Variants in SGPL1 observed in about 807,000 individuals in gnomAD.
SGPL1 encodes the protein sphingosine-1-phosphate lyase 1, also known as SP-lyase 1.
In SGPL1, 37 loss-of-function variants were observed where a neutral mutation model predicts 68.9. That is an observed-to-expected ratio of 0.54 (90% CI 0.41 to 0.71). The LOEUF (loss-of-function observed/expected upper bound fraction) is 0.71. Ranked by LOEUF, SGPL1 falls within the 30% of genes least tolerant of loss-of-function variation. SGPL1 has a pLI of 0.00. For missense variants in SGPL1, 551 were observed against 704.6 expected (o/e 0.78, Z 2.47); for synonymous variants, 236 against 248.5 (o/e 0.95, Z 0.47).
chr10:70,838,882 G>A (rs981408026), intron 2 of SGPL1, among the ~76,000 whole-genome samples: 8 of 152,150 alleles, frequency 5.3e-5, no homozygotes, highest in Non-Finnish European at 1.0e-4. Flanking sequence ...CTTTGGGACT[G>A]TATTTTACAA....
Position 70,859,467 on chromosome 10 carries a change from C to T in SGPL1, c.583C>T (p.Leu195=). ...AGAAATCGTGAGGATAGCTTGTTCC[C>T]TGTTCAATGGGGGACCAGATTCGTG... is the stretch of plus-strand genomic sequence containing the variant. ...EAEIVRIACS[L]FNGGPDSCGC... The change falls in exon 7 of 15, where the codon CTG becomes TTG. Residue 195 remains leucine, a synonymous_variant. Transcript: ENST00000373202. The T allele has an allele frequency of 6.4e-7, 1 of 1,553,376 alleles. No homozygotes were observed. Among genetic ancestry groups the T allele is most frequent in the Middle Eastern group, 1.7e-4 (1 of 5,918 alleles).
intron 2 of SGPL1, among the ~76,000 whole-genome samples, chr10:70,819,720 T>C (rs950646409): frequency 2.0e-5 from 3 of 149,908 alleles, no homozygotes; most frequent in African/African-American, 7.4e-5. Context: ...ATCCTCAATC[T>C]CTGAGGCTCA....
At chr10:70,848,443 T>G (rs1406918035) in intron 3 of SGPL1, among the ~76,000 whole-genome samples, 2 of 148,512 alleles carry the variant, frequency 1.3e-5, no homozygotes, top group Non-Finnish European at 3.0e-5. Flanking sequence ...CTAACGTGAT[T>G]ACCTCACGTA....
intron 7 of SGPL1, chr10:70,866,271 C>T (rs910908113): frequency 4.0e-5 from 6 of 151,896 alleles, no homozygotes; most frequent in Admixed American, 1.3e-4. Context: ...CCTGTAGTCC[C>T]AGCTACTTTG....
intron 2 of SGPL1, among the ~76,000 whole-genome samples, chr10:70,823,271 A>C (rs1049470479): frequency 6.6e-6 from 1 of 151,174 alleles, no homozygotes; most frequent in Non-Finnish European, 1.5e-5. Flanking sequence ...ATTTATCTTC[A>C]GAATAATCAC....
At chr10:70,872,132 A>G (rs1441475368) in intron 11 of SGPL1, 146 bp downstream of exon 11, 2 of 814,444 alleles carry the variant, frequency 2.5e-6, no homozygotes, top group Non-Finnish European at 3.8e-6. Context: ...TGCCGTCACC[A>G]GATCAGCTGG....
At chr10:70,865,102 G>T (rs1009311581) in intron 7 of SGPL1, among the ~76,000 whole-genome samples, 1 of 152,198 alleles carries the variant, frequency 6.6e-6, no homozygotes, top group Non-Finnish European at 1.5e-5. Context: ...CTGCAGATTT[G>T]GGGGTATAAA....
At chr10:70,831,307 T>C (rs1221562666) in intron 2 of SGPL1, among the ~76,000 whole-genome samples, 3 of 152,148 alleles carry the variant, frequency 2.0e-5, no homozygotes, top group Non-Finnish European at 4.4e-5. Context: ...CAGACATCAC[T>C]GGGTGTCGCC....
In SGPL1 at chr10:70,871,989, G is replaced by A; in HGVS notation, c.1059+3G>A. On this transcript the variant is annotated splice_donor_region_variant and intron_variant, in intron 11 of 14. Coordinates refer to ENST00000373202, the MANE Select transcript of SGPL1 (RefSeq NM_003901.4). ...GCATTTCAGCTGACACCCATAAGGT[G>A]AGCTAAGGAGGAGATCAAGTGTTAC... 6.2e-7 allele frequency: 1 copy of A among 1,612,830 alleles called. No homozygotes were observed. Among genetic ancestry groups the A allele is most frequent in the Non-Finnish European group, 8.5e-7 (1 of 1,179,582 alleles).
At chr10:70,830,931 A>G (rs541944831) in intron 2 of SGPL1, among the ~76,000 whole-genome samples, 38 of 152,208 alleles carry the variant, frequency 2.5e-4, no homozygotes, top group Non-Finnish European at 5.4e-4. Context: ...AACTGGTTCA[A>G]AGGAGAGGTC....
intron 2 of SGPL1, among the ~76,000 whole-genome samples, chr10:70,835,161 T>C (rs1223322164): frequency 6.6e-6 from 1 of 152,226 alleles, no homozygotes; most frequent in Non-Finnish European, 1.5e-5. Context: ...ATAATTACTT[T>C]ATTTGAATAA....
At chr10:70,829,031 G>T (rs891989535) in intron 2 of SGPL1, among the ~76,000 whole-genome samples, 3 of 152,182 alleles carry the variant, frequency 2.0e-5, no homozygotes, top group Non-Finnish European at 4.4e-5. Context: ...CTGTCTGGCT[G>T]TGTTGGGCCA....
In SGPL1 at chr10:70,875,322, A is replaced by G. The variant is rs139099076; in HGVS notation, c.1299-80A>G. ...GCATTCATTATAAGGAAGACTTTGA[A>G]TGATTAAAGAGATAGTGACCAGGGG... On this transcript the variant is annotated intron_variant, in intron 12 of 14. Coordinates refer to ENST00000373202, the MANE Select transcript of SGPL1 (RefSeq NM_003901.4). 5.2e-5 allele frequency: 47 copies of G among 903,816 alleles called. No homozygotes were observed. In the East Asian group the frequency reaches 1.0e-3, roughly 19 times the overall value. 56.0% of individuals were successfully genotyped at this position (903,816 alleles called of 1,614,324 possible).
rs1201633865 is a variant in SGPL1 at position 70,868,284 on chromosome 10, G to A, written c.616-61G>A. ...CTGTATCAAACATTGTCAAGATCAG[G>A]GCATGAAGAGCCGGGGCATTCCTGA... On this transcript the variant is annotated intron_variant, in intron 7 of 14. Coordinates refer to ENST00000373202, the MANE Select transcript of SGPL1 (RefSeq NM_003901.4). 35 of 1,145,948 alleles carry A rather than the reference G, an allele frequency of 3.1e-5. No individual in the cohort carries two copies. The South Asian group carries it at 4.7e-4, about 15-fold the overall frequency. 71.0% of individuals were successfully genotyped at this position (1,145,948 alleles called of 1,614,324 possible).
At chr10:70,850,561 C>T (rs1465798491) in intron 3 of SGPL1, among the ~76,000 whole-genome samples, 1 of 152,120 alleles carries the variant, frequency 6.6e-6, no homozygotes, top group East Asian at 1.9e-4. Flanking sequence ...TGTAGTTTAT[C>T]CTGTAGGTGT....
At position 70,858,857 on chromosome 10, in the gene SGPL1, A is replaced by T. The variant is rs550755441; in HGVS notation, c.487-514A>T. On this transcript the variant is annotated intron_variant, in intron 6 of 14. Coordinates refer to ENST00000373202, the MANE Select transcript of SGPL1 (RefSeq NM_003901.4). ...CATCTCTCAAAGTTCCACTCAGCAG[A>T]CACCTCTAGATCACTCAGGATGTTA... 5.0e-4 allele frequency among the ~76,000 whole-genome samples: 76 copies of T among 152,246 alleles called. No individual in the cohort carries two copies. The South Asian group carries it at 0.016, about 31-fold the overall frequency.
intron 2 of SGPL1, among the ~76,000 whole-genome samples, chr10:70,841,647 C>T (rs552217327): frequency 6.6e-6 from 1 of 152,220 alleles, no homozygotes; most frequent in Admixed American, 6.5e-5. Flanking sequence ...CTACCATCAG[C>T]TTGAGGGTTA....
chr10:70,829,318 G>A (rs1845493000), intron 2 of SGPL1, among the ~76,000 whole-genome samples: 1 of 152,130 alleles, frequency 6.6e-6, no homozygotes. Context: ...TCATTACTAA[G>A]GTGTGTTTTA....
intron 4 of SGPL1, among the ~76,000 whole-genome samples, chr10:70,851,519 AC>A (rs146683951): frequency 6.6e-6 from 1 of 152,192 alleles, no homozygotes; most frequent in East Asian, 1.9e-4. Context: ...AAGGTTGAGA[AC>A]CCTGACTTAA....
Sources: gnomAD v4.1 joint callset for allele counts (sites outside exome capture counted in the v4.1 genomes callset) on GRCh38, gnomAD v4.1.1 for gene constraint, MANE v1.5 for transcripts, NCBI Gene and HGNC (gene_info 2026-07-23, HGNC 2026-07-21) for gene names.